Variants in KIRREL3 observed in about 807,000 individuals in gnomAD.
KIRREL3 encodes kirre like nephrin family adhesion molecule 3.
KIRREL3 carries 36 observed loss-of-function variants against 89.7 expected under a neutral mutation model. The observed-to-expected ratio is 0.40, with a 90% CI of 0.31 to 0.53. The LOEUF is 0.53. KIRREL3 is among the 20% of genes least tolerant of loss of function. The pLI is 0.49. For missense variants in KIRREL3, 864 were observed against 1,056.6 expected, an observed-to-expected ratio of 0.82 and a Z score of 2.53; for synonymous variants, 445 against 441.4, an observed-to-expected ratio of 1.01 and a Z score of -0.10.
In KIRREL3 at chr11:126,697,347, C is replaced by T. The variant is rs1947141178; in HGVS notation, c.56-134435G>A. The stretch of plus-strand genomic sequence containing the variant: ...TCACTGCACAGGGTGGGCACTTAGT[C>T]CCTGACTTGGACAAGCCACTCAACC... On this transcript the variant is annotated intron_variant, in intron 1 of 16. Transcript: ENST00000525144. The surrounding 1 kb of genome is among the most constrained non-coding windows in gnomAD (Gnocchi z 4.2). Among the ~76,000 whole-genome samples, 1 of 152,188 alleles carries T rather than the reference C, an allele frequency of 6.6e-6. No individual in the cohort carries two copies. Among genetic ancestry groups the T allele is most frequent in the African/African-American group, 2.4e-5 (1 of 41,434 alleles).
chr11:126,927,875 C>T (rs1285213748), intron 1 of KIRREL3, among the ~76,000 whole-genome samples: 1 of 152,246 alleles, frequency 6.6e-6, no homozygotes, highest in Non-Finnish European at 1.5e-5. Flanking sequence ...TCCTGCACAT[C>T]CACCTTGCAA....
chr11:126,864,261 T>C lies in KIRREL3; in HGVS notation c.55+136194A>G, dbSNP rs537130065. ...TTGGAGTGCCAAAGTTCAAACCCAG[T>C]ACCTCACTCCATCCCAGGATCTCTG... On this transcript the variant is annotated intron_variant, in intron 1 of 16. Transcript: ENST00000525144. 7.9e-5 allele frequency among the ~76,000 whole-genome samples: 12 copies of C among 152,328 alleles called. No homozygotes were observed. The South Asian group carries it at 2.5e-3, about 32-fold the overall frequency.
chr11:126,535,387 C>T lies in KIRREL3; in HGVS notation c.134-8700G>A, dbSNP rs1937768928. 6.6e-6 allele frequency among the ~76,000 whole-genome samples: 1 copy of T among 152,188 alleles called. No homozygotes were observed. The highest frequency in any genetic ancestry group is 1.5e-5 in the Non-Finnish European group (1 of 68,030). On this transcript the variant is annotated intron_variant, in intron 2 of 16. Coordinates refer to ENST00000525144, the MANE Select transcript of KIRREL3 (RefSeq NM_032531.4). The surrounding 1 kb of genome is among the most constrained non-coding windows in gnomAD (Gnocchi z 4.5). ...AAGTCCCCACCAACTTCCAGTGAAA[C>T]ATTGAAATGCAGAAGACCCCATGTT... is the stretch of plus-strand genomic sequence containing the variant.
At chr11:126,833,468 T>C (rs1309198865) in intron 1 of KIRREL3, among the ~76,000 whole-genome samples, 1 of 152,238 alleles carries the variant, frequency 6.6e-6, no homozygotes, top group Non-Finnish European at 1.5e-5. Context: ...ATTAGCCAAG[T>C]GTGTGTTTCT....
chr11:126,845,309 T>A (rs769271258), intron 1 of KIRREL3, among the ~76,000 whole-genome samples: 2 of 152,208 alleles, frequency 1.3e-5, no homozygotes, highest in Non-Finnish European at 2.9e-5. Context: ...GGCAAAAGGG[T>A]AAGAACTTCT....
rs1329964558 is a variant in KIRREL3 at position 126,686,702 on chromosome 11, C to T, written c.56-123790G>A. Among the ~76,000 whole-genome samples the T allele has an allele frequency of 6.6e-6, 1 of 152,172 alleles. No homozygotes were observed. Among genetic ancestry groups the T allele is most frequent in the Non-Finnish European group, 1.5e-5 (1 of 68,040 alleles). ...TCAAGCAGTTCTCCTGCCTCAGCCT[C>T]CCAAGTAGCTGGGATTATAAGTGTC... is the stretch of plus-strand genomic sequence containing the variant. On this transcript the variant is annotated intron_variant, in intron 1 of 16. Transcript: ENST00000525144. The surrounding 1 kb of genome is among the most constrained non-coding windows in gnomAD (Gnocchi z 4.7).
At chr11:126,604,665 C>T (rs1463062973) in intron 1 of KIRREL3, among the ~76,000 whole-genome samples, 2 of 152,224 alleles carry the variant, frequency 1.3e-5, no homozygotes, top group African/African-American at 4.8e-5. Flanking sequence ...GTTCACAGCA[C>T]ACTGCCTGGA....
At chr11:126,466,742 C>G (rs1178444335) in intron 5 of KIRREL3, among the ~76,000 whole-genome samples, 2 of 152,214 alleles carry the variant, frequency 1.3e-5, no homozygotes, top group Non-Finnish European at 2.9e-5. Context: ...CGCAGCTCCA[C>G]TCCGCCCCTC....
intron 5 of KIRREL3, among the ~76,000 whole-genome samples, chr11:126,470,112 T>C (rs1956844377): frequency 6.6e-6 from 1 of 152,234 alleles, no homozygotes; most frequent in African/African-American, 2.4e-5. Flanking sequence ...GGATGACATG[T>C]TGAGCTCAAG....
At chr11:126,775,508 C>G (rs1368574154) in intron 1 of KIRREL3, among the ~76,000 whole-genome samples, 2 of 152,080 alleles carry the variant, frequency 1.3e-5, no homozygotes, top group African/African-American at 4.8e-5. Flanking sequence ...ACAGGCTTGG[C>G]CTTATTTGTG....
rs1487477593 is a variant in KIRREL3, at chr11:126,917,307, AGTGGGAG to A, written c.55+83141_55+83147del. Among the ~76,000 whole-genome samples the A allele has an allele frequency of 6.6e-6, 1 of 152,182 alleles. No individual in the cohort carries two copies. The highest frequency in any genetic ancestry group is 1.5e-5 in the Non-Finnish European group (1 of 68,028). ...GGTTATCAGGACTGAGACGGAAGGA[AGTGGGAG>A]TTATTGCTTAATGGGTACAGAATTT... On this transcript the variant is annotated intron_variant, in intron 1 of 16. Coordinates refer to ENST00000525144, the MANE Select transcript of KIRREL3 (RefSeq NM_032531.4). This position sits in a 1 kb window ranked among gnomAD's most constrained non-coding sequence, Gnocchi z 5.0.
At chr11:126,732,196 T>C (rs1565686323) in intron 1 of KIRREL3, among the ~76,000 whole-genome samples, 1 of 152,246 alleles carries the variant, frequency 6.6e-6, no homozygotes, top group Admixed American at 6.5e-5. Context: ...GAAGGAGGTT[T>C]ATAAGTAATG....
chr11:126,836,013 C>T (rs1943768681), intron 1 of KIRREL3, among the ~76,000 whole-genome samples: 1 of 152,146 alleles, frequency 6.6e-6, no homozygotes, highest in Admixed American at 6.5e-5. Context: ...ACATTGATAC[C>T]AGGAAAGTAA....
chr11:126,663,086 G>T (rs1239590308), intron 1 of KIRREL3, among the ~76,000 whole-genome samples: 2 of 151,654 alleles, frequency 1.3e-5, no homozygotes, highest in African/African-American at 4.8e-5. Flanking sequence ...CAAGAAGAGT[G>T]CAGGGCATCT....
intron 4 of KIRREL3, among the ~76,000 whole-genome samples, chr11:126,518,600 G>GAAC (rs908250712): frequency 2.6e-4 from 39 of 152,366 alleles, no homozygotes; most frequent in Admixed American, 1.0e-3. Context: ...CCCCCTTGGG[G>GAAC]AACTGGCTGG....
At position 126,489,107 on chromosome 11, in the gene KIRREL3, G is replaced by C. The variant is rs998360137; in HGVS notation, c.434-15641C>G. On this transcript the variant is annotated intron_variant, in intron 4 of 16. Coordinates refer to ENST00000525144, the MANE Select transcript of KIRREL3 (RefSeq NM_032531.4). This position sits in a 1 kb window ranked among gnomAD's most constrained non-coding sequence, Gnocchi z 5.5. ...GGAGCGCAGCAGTCAGTCTCATCCT[G>C]GGGTGCATCCCAGGGCTCAGCCTGG... is the stretch of plus-strand genomic sequence containing the variant. Among the ~76,000 whole-genome samples the C allele has an allele frequency of 6.6e-6, 1 of 152,178 alleles. No individual in the cohort carries two copies. The highest frequency in any genetic ancestry group is 1.5e-5 in the Non-Finnish European group (1 of 68,018).
chr11:126,621,017 G>A (rs915504275), intron 1 of KIRREL3, among the ~76,000 whole-genome samples: 4 of 152,222 alleles, frequency 2.6e-5, no homozygotes, highest in African/African-American at 9.6e-5. Flanking sequence ...GGGCTTGAGT[G>A]TAAGCGAATG....
intron 1 of KIRREL3, among the ~76,000 whole-genome samples, chr11:126,678,639 G>T (rs1312332834): frequency 7.5e-6 from 1 of 132,810 alleles, no homozygotes; most frequent in Non-Finnish European, 1.6e-5. Flanking sequence ...AGTGGAGAAG[G>T]AATGTTCTTC....
rs879445422 is a variant in KIRREL3, at chr11:126,535,933, CAA to C, written c.134-9248_134-9247del. ...CTGGGAGGCGGAGGTTGCAGTGAGC[CAA>C]GATCGCACCATTGCACTCCAGCCTA... On this transcript the variant is annotated intron_variant, in intron 2 of 16. Transcript: ENST00000525144. The surrounding 1 kb of genome is among the most constrained non-coding windows in gnomAD (Gnocchi z 4.5). Among the ~76,000 whole-genome samples, 57 of 152,174 alleles carry C rather than the reference CAA, an allele frequency of 3.7e-4. No individual in the cohort carries two copies. The highest frequency in any genetic ancestry group is 1.0e-3 in the South Asian group (5 of 4,826).
Sources: allele counts gnomAD v4.1 joint callset (sites outside exome capture counted in the v4.1 genomes callset), GRCh38; gene constraint gnomAD v4.1.1; non-coding constraint Gnocchi (gnomAD v3.1); transcripts MANE v1.5; gene names NCBI Gene and HGNC (gene_info 2026-07-23, HGNC 2026-07-21).